CNBD1: variants seen among roughly 807,000 people sequenced by gnomAD.
CNBD1 encodes cyclic nucleotide-binding domain-containing protein 1.
A neutral mutation model predicts 54.4 loss-of-function variants in CNBD1; 71 were observed. That is an observed-to-expected ratio of 1.30 (90% CI 1.08 to 1.59). The LOEUF is 1.59. Ranked by LOEUF, CNBD1 falls within the 40% of genes most tolerant of loss-of-function variation. The probability of loss-of-function intolerance (pLI) is 0.00; values close to 1 mark genes in which losing one functional copy is unlikely to be tolerated. For missense variants in CNBD1, 659 were observed against 518.0 expected (o/e 1.27, Z -2.64); for synonymous variants, 182 against 170.7 (o/e 1.07, Z -0.51).
chr8:87,274,796 G>T (rs1353524454), intron 6 of CNBD1, among the ~76,000 whole-genome samples: 5 of 134,430 alleles, frequency 3.7e-5, no homozygotes, highest in Non-Finnish European at 6.4e-5. Flanking sequence ...TGTCAATTTT[G>T]GCTTTTGTTG....
chr8:87,136,133 A>T (rs1330951661), intron 4 of CNBD1, among the ~76,000 whole-genome samples: 1 of 152,020 alleles, frequency 6.6e-6, no homozygotes, highest in East Asian at 1.9e-4. Flanking sequence ...AATACCCAAA[A>T]ATAAAATCTG....
At chr8:86,873,839 A>G (rs1231719084) in intron 1 of CNBD1, among the ~76,000 whole-genome samples, 1 of 152,194 alleles carries the variant, frequency 6.6e-6, no homozygotes. Context: ...CAGATGTTGG[A>G]AGTTCAGATT....
intron 6 of CNBD1, among the ~76,000 whole-genome samples, chr8:87,264,955 G>T (rs1002189862): frequency 4.3e-4 from 66 of 152,178 alleles, no homozygotes; most frequent in Non-Finnish European, 7.1e-4. Context: ...TAGGTTGCCT[G>T]TTCACTCTGA....
intron 4 of CNBD1, among the ~76,000 whole-genome samples, chr8:87,103,819 G>A (rs1811478882): frequency 6.6e-6 from 1 of 152,126 alleles, no homozygotes; most frequent in Non-Finnish European, 1.5e-5. Flanking sequence ...AGACAAAATG[G>A]ATCTGAAAGT....
At chr8:87,195,913 T>C (rs1813712347) in intron 4 of CNBD1, among the ~76,000 whole-genome samples, 1 of 152,182 alleles carries the variant, frequency 6.6e-6, no homozygotes, top group Non-Finnish European at 1.5e-5. Flanking sequence ...ACTGATTTCT[T>C]CCCTTGCTTG....
chr8:86,928,490 C>T (rs191731698), intron 3 of CNBD1, among the ~76,000 whole-genome samples: 59 of 152,298 alleles, frequency 3.9e-4, no homozygotes, highest in Admixed American at 3.7e-3. Context: ...GTTACCATGA[C>T]TTTAAAAGCC....
chr8:87,237,860 CA>C, intron 6 of CNBD1, among the ~76,000 whole-genome samples: 1 of 152,088 alleles, frequency 6.6e-6, no homozygotes, highest in African/African-American at 2.4e-5. Flanking sequence ...GAAAGAATGA[CA>C]AGGATAAAAA....
chr8:87,285,156 T>C (rs756254186), intron 7 of CNBD1, among the ~76,000 whole-genome samples: 9 of 152,140 alleles, frequency 5.9e-5, no homozygotes, highest in Non-Finnish European at 1.2e-4. Flanking sequence ...CTAAGAATAC[T>C]AGAATAATAA....
chr8:87,377,066 TC>T (rs2130954891), intron 10 of CNBD1, among the ~76,000 whole-genome samples: 1 of 148,004 alleles, frequency 6.8e-6, no homozygotes, highest in East Asian at 1.9e-4. Context: ...TATTTTTATT[TC>T]TTTATTTTAT....
intron 8 of CNBD1, among the ~76,000 whole-genome samples, chr8:87,323,715 G>A (rs1394401359): frequency 7.6e-6 from 1 of 131,912 alleles, no homozygotes; most frequent in Non-Finnish European, 1.7e-5. Context: ...GAGACGATGG[G>A]GTTTTCTAGA....
intron 6 of CNBD1, among the ~76,000 whole-genome samples, chr8:87,243,235 A>C (rs768990443): frequency 3.9e-5 from 6 of 152,344 alleles, no homozygotes; most frequent in South Asian, 2.1e-4. Flanking sequence ...GGATCCAACT[A>C]AAGAAAGAAT....
chr8:86,879,036 ATCT>A (rs1283687878), intron 1 of CNBD1, among the ~76,000 whole-genome samples: 1 of 152,176 alleles, frequency 6.6e-6, no homozygotes, highest in Admixed American at 6.5e-5. Context: ...TTAAAATATG[ATCT>A]TCTGCAAGAA....
At chr8:87,366,112 T>C (rs879661193) in intron 10 of CNBD1, among the ~76,000 whole-genome samples, 23 of 152,080 alleles carry the variant, frequency 1.5e-4, no homozygotes, top group Non-Finnish European at 2.9e-4. Flanking sequence ...TTTTGCTACA[T>C]AACAAATTAC....
intron 4 of CNBD1, among the ~76,000 whole-genome samples, chr8:86,967,738 G>T (rs1184770644): frequency 6.6e-6 from 1 of 151,030 alleles, no homozygotes; most frequent in Non-Finnish European, 1.5e-5. Context: ...AGTTTAAAAA[G>T]ATTCCTGGTC....
intron 3 of CNBD1, among the ~76,000 whole-genome samples, chr8:86,927,566 G>T (rs902125846): frequency 6.6e-5 from 10 of 152,148 alleles, no homozygotes; most frequent in African/African-American, 2.4e-4. Context: ...CTGGTAACAG[G>T]TTGTGTTGGA....
At chr8:87,344,102 T>C (rs1426017973) in intron 8 of CNBD1, among the ~76,000 whole-genome samples, 1 of 152,066 alleles carries the variant, frequency 6.6e-6, no homozygotes, top group East Asian at 1.9e-4. Context: ...GCCAGTAATT[T>C]TTAAAATAAA....
intron 2 of CNBD1, among the ~76,000 whole-genome samples, chr8:86,891,276 A>G (rs867999597): frequency 2.6e-5 from 4 of 152,038 alleles, no homozygotes; most frequent in African/African-American, 7.2e-5. Context: ...ATGGTGAGAG[A>G]TAAGGGTCTA....
chr8:87,161,459 C>A (rs1003692461), intron 4 of CNBD1, among the ~76,000 whole-genome samples: 3 of 151,996 alleles, frequency 2.0e-5, no homozygotes, highest in African/African-American at 4.8e-5. Flanking sequence ...AATAACAAAG[C>A]AAGGTTGAAG....
At chr8:87,324,578 A>T (rs1276298960) in intron 8 of CNBD1, among the ~76,000 whole-genome samples, 1 of 144,832 alleles carries the variant, frequency 6.9e-6, no homozygotes. Flanking sequence ...TAGATTTTCT[A>T]GTTTATTTGC....
Sources: allele counts gnomAD v4.1 joint callset (sites outside exome capture counted in the v4.1 genomes callset), GRCh38; gene constraint gnomAD v4.1.1; transcripts MANE v1.5; gene names NCBI Gene and HGNC (gene_info 2026-07-23, HGNC 2026-07-21).